Variants in KIAA1217 observed in about 807,000 individuals in gnomAD.
The protein encoded by KIAA1217 is sickle tail protein homolog.
Under a neutral mutation model 163.9 loss-of-function variants are expected in KIAA1217, and 88 were observed. The observed-to-expected ratio is 0.54, with a 90% CI of 0.45 to 0.64. The LOEUF is 0.64. Ranked by LOEUF, KIAA1217 falls within the 30% of genes least tolerant of loss-of-function variation. The pLI, the probability that KIAA1217 is intolerant of heterozygous loss-of-function variation, is 0.00. For synonymous variants in KIAA1217, 903 were observed against 923.1 expected, an observed-to-expected ratio of 0.98 and a Z score of 0.39; for missense variants, 2,372 against 2,475.0, an observed-to-expected ratio of 0.96 and a Z score of 0.88.
At chr10:24,539,069 T>C (rs1210625940) in intron 17 of KIAA1217, among the ~76,000 whole-genome samples, 2 of 151,944 alleles carry the variant, frequency 1.3e-5, no homozygotes, top group Non-Finnish European at 2.9e-5. Context: ...GGAATTTCCT[T>C]ATGAGGGCTT....
At chr10:24,507,968 G>C (rs566566173) in intron 9 of KIAA1217, among the ~76,000 whole-genome samples, 1 of 152,300 alleles carries the variant, frequency 6.6e-6, no homozygotes, top group Non-Finnish European at 1.5e-5. Context: ...CGTCTTTAAA[G>C]TATTGAAAGG....
intron 1 of KIAA1217, among the ~76,000 whole-genome samples, chr10:23,990,713 A>G (rs1312228393): frequency 6.6e-6 from 1 of 152,232 alleles, no homozygotes; most frequent in Non-Finnish European, 1.5e-5. Flanking sequence ...GCAAAGAGTC[A>G]TGAGCAAATA....
chr10:24,540,257 C>T (rs550574868), intron 17 of KIAA1217, among the ~76,000 whole-genome samples: 8 of 152,004 alleles, frequency 5.3e-5, no homozygotes, highest in African/African-American at 1.2e-4. Flanking sequence ...TTTTTGAGAC[C>T]GAGTCTCGCT....
intron 7 of KIAA1217, 50 bp downstream of exon 7, chr10:24,494,654 T>G (rs756499459): frequency 8.2e-7 from 1 of 1,220,670 alleles, no homozygotes; most frequent in South Asian, 1.3e-5. Flanking sequence ...TGTTTCTCTT[T>G]TAATCATTAA....
At chr10:23,840,459 A>T (rs541151263) in intron 1 of KIAA1217, among the ~76,000 whole-genome samples, 32 of 152,184 alleles carry the variant, frequency 2.1e-4, no homozygotes, top group African/African-American at 7.7e-4. Context: ...CTGGCCGATT[A>T]TATCTTTCTT....
At chr10:24,309,652 G>A (rs1459090352) in intron 2 of KIAA1217, among the ~76,000 whole-genome samples, 1 of 152,134 alleles carries the variant, frequency 6.6e-6, no homozygotes, top group African/African-American at 2.4e-5. Flanking sequence ...TGTGAATCAA[G>A]GTTTACCACA....
chr10:24,310,825 C>A (rs1388116684), intron 2 of KIAA1217, among the ~76,000 whole-genome samples: 3 of 152,094 alleles, frequency 2.0e-5, no homozygotes, highest in Admixed American at 1.3e-4. Context: ...GGTGAAAACC[C>A]ATCTCTACAA....
Position 23,934,623 on chromosome 10 carries a change from A to ACG in KIAA1217, c.-320-72602_-320-72601insCG, listed in dbSNP as rs1564546015. On this transcript the variant is annotated intron_variant, in intron 1 of 18. Transcript: ENST00000376462. ...TATATATATGTATATATATATATAT[A>ACG]TATTTTTTTTTTGAGACGGAGTCTC... 7.0e-4 allele frequency among the ~76,000 whole-genome samples: 43 copies of ACG among 61,424 alleles called. 1 individual carries two copies. The African/African-American group carries it at 8.1e-3, about 12-fold the overall frequency. The allele number at this position is 61,424 out of a possible 152,430, so 40.3% of individuals were successfully genotyped here.
intron 1 of KIAA1217, among the ~76,000 whole-genome samples, chr10:23,819,198 A>G (rs1309205236): frequency 6.6e-6 from 1 of 152,282 alleles, no homozygotes; most frequent in Admixed American, 6.5e-5. Flanking sequence ...TTAGCAGGGA[A>G]CATGGCCACC....
chr10:24,151,531 G>A lies in KIAA1217; in HGVS notation c.-170-68095G>A, dbSNP rs182555834. Among the ~76,000 whole-genome samples, 9 of 149,872 alleles carry A rather than the reference G, an allele frequency of 6.0e-5. No individual in the cohort carries two copies. The South Asian group carries it at 1.3e-3, about 22-fold the overall frequency. ...ATGTTCCAGCCACATCATACACGGC[G>A]TTGTAAGAATTAATGTACTCTAGGT... On this transcript the variant is annotated intron_variant, in intron 2 of 18. Coordinates refer to the KIAA1217 transcript ENST00000376462.
At chr10:23,898,473 A>G (rs1350979197) in intron 1 of KIAA1217, among the ~76,000 whole-genome samples, 1 of 152,008 alleles carries the variant, frequency 6.6e-6, no homozygotes, top group Non-Finnish European at 1.5e-5. Flanking sequence ...TAACTTCACC[A>G]TAAATAATTA....
At chr10:24,067,545 C>T (rs1379652512) in intron 2 of KIAA1217, among the ~76,000 whole-genome samples, 1 of 152,194 alleles carries the variant, frequency 6.6e-6, no homozygotes, top group East Asian at 1.9e-4. Flanking sequence ...AGGTGTCAGT[C>T]CGCCCCTACT....
intron 1 of KIAA1217, among the ~76,000 whole-genome samples, chr10:23,917,451 G>A (rs1427049142): frequency 6.6e-6 from 1 of 152,194 alleles, no homozygotes; most frequent in Non-Finnish European, 1.5e-5. Context: ...AGGGCCTTGT[G>A]AAAAGAGGGC....
At chr10:24,503,423 A>G (rs956301472) in intron 9 of KIAA1217, among the ~76,000 whole-genome samples, 2 of 152,226 alleles carry the variant, frequency 1.3e-5, no homozygotes, top group Non-Finnish European at 2.9e-5. Context: ...GACACATTGC[A>G]ATGAAATGAA....
intron 1 of KIAA1217, among the ~76,000 whole-genome samples, chr10:23,894,301 A>G (rs2131223249): frequency 6.6e-6 from 1 of 152,134 alleles, no homozygotes; most frequent in African/African-American, 2.4e-5. Context: ...GTCTCAGGAT[A>G]CAAAATCAAT....
chr10:24,356,862 T>C (rs1375543468), intron 2 of KIAA1217, among the ~76,000 whole-genome samples: 1 of 152,236 alleles, frequency 6.6e-6, no homozygotes, highest in African/African-American at 2.4e-5. Flanking sequence ...TATTCTGTTA[T>C]AGCAACATGA....
At chr10:24,118,591 C>T (rs767516365) in intron 2 of KIAA1217, among the ~76,000 whole-genome samples, 6 of 152,146 alleles carry the variant, frequency 3.9e-5, no homozygotes, top group Non-Finnish European at 5.9e-5. Flanking sequence ...AGAAATGTCA[C>T]AAGGAATACA....
At chr10:24,206,872 G>C (rs945526272), upstream of KIAA1217, among the ~76,000 whole-genome samples, 1 of 152,128 alleles carries the variant, frequency 6.6e-6, no homozygotes, top group African/African-American at 2.4e-5. Context: ...GACCAAGGGG[G>C]TTCCTTGGGC....
intron 2 of KIAA1217, among the ~76,000 whole-genome samples, chr10:24,176,053 G>A (rs897716788): frequency 6.6e-6 from 1 of 152,144 alleles, no homozygotes; most frequent in South Asian, 2.1e-4. Flanking sequence ...TCCCTTATCT[G>A]GCCCCACCCA....
Sources: allele counts gnomAD v4.1 joint callset (sites outside exome capture counted in the v4.1 genomes callset), GRCh38; gene constraint gnomAD v4.1.1; transcripts MANE v1.5; gene names NCBI Gene and HGNC (gene_info 2026-07-23, HGNC 2026-07-21).